Variants in NTF3 observed in about 807,000 individuals in gnomAD.
The protein encoded by NTF3 is neurotrophin 3, also known as neurotrophin-3.
A neutral mutation model predicts 26.3 loss-of-function variants in NTF3; 8 were observed. That is an observed-to-expected ratio of 0.30 (90% CI 0.18 to 0.55). The LOEUF is 0.55. NTF3 is among the 20% of genes least tolerant of loss of function. The pLI is 0.93. For synonymous variants in NTF3, 154 were observed against 145.5 expected (o/e 1.06, Z -0.42); for missense variants, 276 against 352.9 (o/e 0.78, Z 1.75).
chr12:5,441,859 A>G (rs1198599141), intron 1 of NTF3, among the ~76,000 whole-genome samples: 2 of 152,208 alleles, frequency 1.3e-5, no homozygotes, highest in Non-Finnish European at 1.5e-5. Flanking sequence ...TGGCCAGAAA[A>G]GGCTGTTCTT....
In NTF3 at chr12:5,445,501, C is replaced by T. The variant is rs142609684; in HGVS notation, c.18+13159C>T. ...GGACAGCCGGCATGCCATCCAGTTG[C>T]TTGGGGAGTGTGAATACTCCTTGGC... On this transcript the variant is annotated intron_variant, in intron 1 of 1. Coordinates refer to ENST00000423158, the MANE Select transcript of NTF3 (RefSeq NM_001102654.2). Among the ~76,000 whole-genome samples the T allele has an allele frequency of 1.4e-3, 211 of 152,250 alleles. 1 individual carries two copies. Among genetic ancestry groups the T allele is most frequent in the African/African-American group, 4.6e-3 (192 of 41,536 alleles).
chr12:5,476,470 C>T (rs112199343), intron 1 of NTF3, among the ~76,000 whole-genome samples: 35 of 152,300 alleles, frequency 2.3e-4, no homozygotes, highest in South Asian at 1.0e-3. Context: ...CATCAATTTG[C>T]TGGGCACCAA....
chr12:5,448,202 T>A (rs746443114), intron 1 of NTF3, among the ~76,000 whole-genome samples: 1 of 152,246 alleles, frequency 6.6e-6, no homozygotes, highest in Non-Finnish European at 1.5e-5. Flanking sequence ...TTACTTCATT[T>A]ATGAAAATAC....
intron 1 of NTF3, among the ~76,000 whole-genome samples, chr12:5,463,105 T>C (rs1350696569): frequency 6.6e-6 from 1 of 152,134 alleles, no homozygotes; most frequent in African/African-American, 2.4e-5. Flanking sequence ...GATGCCTTCT[T>C]CAAGACAATA....
At chr12:5,488,889 C>T (rs1187145739) in intron 1 of NTF3, among the ~76,000 whole-genome samples, 1 of 152,204 alleles carries the variant, frequency 6.6e-6, no homozygotes, top group East Asian at 1.9e-4. Context: ...TATGGCTACA[C>T]CAGAAATAAT....
intron 1 of NTF3, among the ~76,000 whole-genome samples, chr12:5,458,282 G>A (rs1006084230): frequency 3.9e-5 from 6 of 152,122 alleles, no homozygotes; most frequent in African/African-American, 1.4e-4. Context: ...ATGCAGCAGT[G>A]GCCACTTGAG....
At chr12:5,481,562 CACAT>C (rs1254789555) in intron 1 of NTF3, among the ~76,000 whole-genome samples, 8 of 18,522 alleles carry the variant, frequency 4.3e-4, no homozygotes, top group Non-Finnish European at 8.1e-4. Context: ...TGCACACACA[CACAT>C]ACATACATGC....
At chr12:5,490,263 G>A (rs781515563) in intron 1 of NTF3, among the ~76,000 whole-genome samples, 9 of 152,192 alleles carry the variant, frequency 5.9e-5, no homozygotes, top group Non-Finnish European at 1.2e-4. Flanking sequence ...AGTGCCTGGG[G>A]TAGGTCTCGA....
intron 1 of NTF3, among the ~76,000 whole-genome samples, chr12:5,450,826 G>A (rs1940363463): frequency 6.6e-6 from 1 of 152,200 alleles, no homozygotes; most frequent in Non-Finnish European, 1.5e-5. Context: ...CTATTATAAT[G>A]TTAATTCTAT....
At chr12:5,473,298 G>A (rs1352105878) in intron 1 of NTF3, among the ~76,000 whole-genome samples, 1 of 152,214 alleles carries the variant, frequency 6.6e-6, no homozygotes, top group East Asian at 1.9e-4. Context: ...TGGAGCTGCA[G>A]ATAGCAAGGA....
chr12:5,439,495 T>G (rs73039979), intron 1 of NTF3, among the ~76,000 whole-genome samples: 18,012 of 152,228 alleles, frequency 0.12, 1,431 homozygotes, highest in East Asian at 0.34. Context: ...ACCTGCTCCC[T>G]GCCCCCGGAA....
chr12:5,467,487 C>A (rs1021264886), intron 1 of NTF3, among the ~76,000 whole-genome samples: 3 of 152,148 alleles, frequency 2.0e-5, no homozygotes, highest in African/African-American at 7.2e-5. Context: ...ATCTAACTTA[C>A]CTGTTCTTAG....
upstream of NTF3, among the ~76,000 whole-genome samples, chr12:5,430,860 AAGTGGC>A (rs1169760312): frequency 1.1e-4 from 16 of 151,998 alleles, no homozygotes; most frequent in African/African-American, 3.6e-4. Flanking sequence ...GGAGCGGCTG[AAGTGGC>A]AGGGAGGAAG....
rs111975395 is a variant in NTF3, at chr12:5,441,376, C to T, written c.18+9034C>T. 1.5e-3 allele frequency among the ~76,000 whole-genome samples: 230 copies of T among 152,318 alleles called. 1 individual carries two copies. Among genetic ancestry groups the T allele is most frequent in the African/African-American group, 5.2e-3 (217 of 41,572 alleles). The stretch of plus-strand genomic sequence containing the variant: ...GTTCTGTACAAGTGATACGTTTATT[C>T]TTGAATCGGAGATAGCATTGGAGGA... On this transcript the variant is annotated intron_variant, in intron 1 of 1. Transcript: ENST00000423158.
intron 1 of NTF3, among the ~76,000 whole-genome samples, chr12:5,439,383 GC>G (rs1940210590): frequency 6.6e-6 from 1 of 152,254 alleles, no homozygotes. Context: ...GGCATCCCAA[GC>G]CCATCACCTG....
chr12:5,486,701 C>G (rs1940870023), intron 1 of NTF3, among the ~76,000 whole-genome samples: 1 of 152,164 alleles, frequency 6.6e-6, no homozygotes, highest in African/African-American at 2.4e-5. Context: ...AAGCAACTTC[C>G]CCTTGTGTGT....
chr12:5,441,973 A>G (rs1940243629), intron 1 of NTF3, among the ~76,000 whole-genome samples: 1 of 152,200 alleles, frequency 6.6e-6, no homozygotes, highest in African/African-American at 2.4e-5. Flanking sequence ...CATACGCATT[A>G]GGATAACTCC....
At chr12:5,438,170 A>G (rs189844228) in intron 1 of NTF3, among the ~76,000 whole-genome samples, 82 of 152,134 alleles carry the variant, frequency 5.4e-4, no homozygotes, top group Non-Finnish European at 6.8e-4. Flanking sequence ...AAAAAAAAAA[A>G]GTCTTTCAGA....
chr12:5,441,509 C>T (rs555870914), intron 1 of NTF3, among the ~76,000 whole-genome samples: 1 of 152,332 alleles, frequency 6.6e-6, no homozygotes, highest in Admixed American at 6.5e-5. Flanking sequence ...GGAAGCCTCC[C>T]TGCATTTCCC....
Sources: allele counts gnomAD v4.1 joint callset (sites outside exome capture counted in the v4.1 genomes callset), GRCh38; gene constraint gnomAD v4.1.1; transcripts MANE v1.5; gene names NCBI Gene and HGNC (gene_info 2026-07-23, HGNC 2026-07-21).